The following ATP8B1 variants were observed in gnomAD, a reference collection of about 807,000 sequenced individuals.
The protein encoded by ATP8B1 is ATPase phospholipid transporting 8B1.
In ATP8B1, 80 loss-of-function variants were observed where a neutral mutation model predicts 149.9. That is an observed-to-expected ratio of 0.53 (90% confidence interval 0.45 to 0.64). The LOEUF is 0.64. Among genes scored for constraint, ATP8B1 ranks in the 30% least tolerant of loss-of-function variants. The pLI is 0.00. For synonymous variants in ATP8B1, 536 were observed against 562.8 expected (o/e 0.95, Z 0.67); for missense variants, 1,247 against 1,552.6 (o/e 0.80, Z 3.31).
At position 57,791,346 on chromosome 18, in the gene ATP8B1, C is replaced by CTTTTTTTT. The variant is rs1473257768; in HGVS notation, c.-26+11651_-26+11652insAAAAAAAA. ...TTCCTTCCTTTTTTCTTTTTCTTTT[C>CTTTTTTTT]TTTTCTTTTTTTTTTTTTTTTTGAG... On this transcript the variant is annotated intron_variant, in intron 1 of 27. Coordinates refer to ENST00000648908, the MANE Select transcript of ATP8B1 (RefSeq NM_001374385.1). 1.9e-3 allele frequency among the ~76,000 whole-genome samples: 236 copies of CTTTTTTTT among 124,924 alleles called. 5 individuals are homozygous for CTTTTTTTT. Among genetic ancestry groups the CTTTTTTTT allele is most frequent in the African/African-American group, 7.5e-3 (222 of 29,490 alleles). The allele number at this position is 124,924 out of a possible 152,430, so 82.0% of individuals were successfully genotyped here. A position where few individuals can be genotyped will look rare whatever the true frequency, so the allele number is the denominator to read the frequency against.
rs1229415684 is a variant in ATP8B1 at position 57,678,565 on chromosome 18, C to T, written c.1631-3543G>A. On this transcript the variant is annotated intron_variant, in intron 15 of 27. Transcript: ENST00000648908. The stretch of plus-strand genomic sequence containing the variant: ...TCACACCATTGCACTCCAGCCCAGG[C>T]GATAGTTCGAGATTCTATCTCAAAA... Among the ~76,000 whole-genome samples, 6 of 137,322 alleles carry T rather than the reference C, an allele frequency of 4.4e-5. No homozygotes were observed. In the East Asian group the frequency reaches 1.0e-3, roughly 23 times the overall value. 90.1% of individuals were successfully genotyped at this position (137,322 alleles called of 152,430 possible).
chr18:57,736,553 T>A (rs1448177450), intron 1 of ATP8B1, among the ~76,000 whole-genome samples: 1 of 148,544 alleles, frequency 6.7e-6, no homozygotes, highest in Non-Finnish European at 1.5e-5. Context: ...ATTGAACTCT[T>A]GGGCTCAAGG....
intron 1 of ATP8B1, among the ~76,000 whole-genome samples, chr18:57,738,871 C>T (rs1407613677): frequency 6.6e-6 from 1 of 151,996 alleles, no homozygotes; most frequent in Non-Finnish European, 1.5e-5. Flanking sequence ...ATTATGGCCC[C>T]CGAAGTCATA....
chr18:57,673,749 T>A (rs1911409024), intron 16 of ATP8B1, among the ~76,000 whole-genome samples: 1 of 152,084 alleles, frequency 6.6e-6, no homozygotes, highest in African/African-American at 2.4e-5. Flanking sequence ...TGGAAGAGTA[T>A]GAGGGCTCTT....
chr18:57,707,430 T>TC (rs139686859), intron 2 of ATP8B1, among the ~76,000 whole-genome samples: 23,406 of 152,090 alleles, frequency 0.15, 2,337 homozygotes, highest in South Asian at 0.28. Context: ...TGTTGATGAA[T>TC]CCCCACCAAA....
At chr18:57,696,211 T>C (rs1302605056) in intron 8 of ATP8B1, among the ~76,000 whole-genome samples, 1 of 152,238 alleles carries the variant, frequency 6.6e-6, no homozygotes, top group Admixed American at 6.5e-5. Flanking sequence ...GGATCTTATG[T>C]CTTTGTAAAG....
intron 20 of ATP8B1, among the ~76,000 whole-genome samples, chr18:57,663,951 G>C (rs1285770797): frequency 6.6e-6 from 1 of 151,314 alleles, no homozygotes. Flanking sequence ...ATTTTTAGTA[G>C]AGACAGGGTT....
chr18:57,764,096 G>A (rs2080183567), intron 1 of ATP8B1, among the ~76,000 whole-genome samples: 9 of 152,130 alleles, frequency 5.9e-5, no homozygotes, highest in Admixed American at 5.9e-4. Context: ...GAACAAGCCC[G>A]GTCACTCTCG....
At position 57,669,362 on chromosome 18, in the gene ATP8B1, C is replaced by G. The variant is rs558637349; in HGVS notation, c.2053G>C (p.Glu685Gln). The G allele has an allele frequency of 6.2e-7, 1 of 1,613,624 alleles. No homozygotes were observed. The highest frequency in any genetic ancestry group is 1.3e-5 in the African/African-American group (1 of 74,994). ...AASVASTNRD[E>Q]ALDKVYEEIE... ...TCCTCATATACTTTATCCAGAGCTT[C>G]GTCCCGGTTGGTGGAGGCCACACTG... The change falls in exon 18 of 28, where the codon GAA becomes CAA. Residue 685 changes from glutamate (E) to glutamine (Q), a missense_variant. Glu to Gln is a conservative substitution (Grantham distance 29, BLOSUM62 2). Coordinates refer to ENST00000648908, the MANE Select transcript of ATP8B1 (RefSeq NM_001374385.1).
chr18:57,649,190 A>ATATCTATCTATC (rs71171056), intron 27 of ATP8B1, among the ~76,000 whole-genome samples: 1,558 of 148,206 alleles, frequency 0.011, 26 homozygotes, highest in African/African-American at 0.032. Flanking sequence ...GTGCTTGGCT[A>ATATCTATCTATC]TATCTATCTA....
intron 2 of ATP8B1, among the ~76,000 whole-genome samples, chr18:57,713,975 T>C (rs1220671960): frequency 6.6e-6 from 1 of 152,008 alleles, no homozygotes; most frequent in African/African-American, 2.4e-5. Context: ...AAGCAACAAA[T>C]AGAGACCCCT....
chr18:57,662,269 T>A (rs1910505325), intron 21 of ATP8B1, among the ~76,000 whole-genome samples: 1 of 152,210 alleles, frequency 6.6e-6, no homozygotes, highest in Admixed American at 6.5e-5. Context: ...AAAAACCCAT[T>A]AATTAGTAAA....
intron 15 of ATP8B1, among the ~76,000 whole-genome samples, chr18:57,676,307 G>A (rs934433096): frequency 2.6e-5 from 4 of 151,352 alleles, no homozygotes; most frequent in East Asian, 2.0e-4. Context: ...GACTATAGGC[G>A]CACATCACCA....
intron 12 of ATP8B1, among the ~76,000 whole-genome samples, chr18:57,690,197 T>C (rs160994): frequency 0.99 from 151,471 of 152,326 alleles, 75,324 homozygotes; most frequent in Middle Eastern, 1. Context: ...TAGATACCTA[T>C]GTAAGGAATG....
At chr18:57,673,635 T>C (rs999480291) in intron 16 of ATP8B1, among the ~76,000 whole-genome samples, 13 of 151,314 alleles carry the variant, frequency 8.6e-5, no homozygotes, top group African/African-American at 3.2e-4. Flanking sequence ...TGTGTATATA[T>C]ATAGGTATAT....
intron 19 of ATP8B1, chr18:57,667,927 C>A: frequency 2.5e-6 from 1 of 398,180 alleles, no homozygotes; most frequent in Non-Finnish European, 4.0e-6. Context: ...TTGTGGAAGG[C>A]TTACAAAGTA....
intron 6 of ATP8B1, among the ~76,000 whole-genome samples, chr18:57,699,646 G>A (rs1018650165): frequency 6.6e-6 from 1 of 152,218 alleles, no homozygotes; most frequent in East Asian, 1.9e-4. Flanking sequence ...CTGTGAACCC[G>A]GGAGGCGGAG....
chr18:57,695,302 T>A lies in ATP8B1; in HGVS notation c.809A>T (p.Asn270Ile). 3 of 1,605,488 alleles carry A rather than the reference T, an allele frequency of 1.9e-6. No individual in the cohort carries two copies. The highest frequency in any genetic ancestry group is 2.6e-6 in the Non-Finnish European group (3 of 1,172,164). Residue 270 changes from asparagine to isoleucine, a missense_variant, in exon 10 of 28, where the codon AAC (asparagine) becomes ATC (isoleucine). Asn to Ile is a moderately radical substitution (Grantham distance 149). Coordinates refer to ENST00000648908, the MANE Select transcript of ATP8B1 (RefSeq NM_001374385.1). The part of the protein sequence containing the change: ...DGFIECEEPN[N>I]RLDKFTGTLF... ...TGTTCCTGTAAACTTATCTAGTCTG[T>A]TATTGGGTTCTTCACATTCAATAAA...
intron 2 of ATP8B1, among the ~76,000 whole-genome samples, chr18:57,730,188 G>GA (rs1211322075): frequency 2.0e-5 from 3 of 148,430 alleles, no homozygotes; most frequent in African/African-American, 7.4e-5. Flanking sequence ...AAAATTATTA[G>GA]AAAAAAATAG....
Sources: allele counts gnomAD v4.1 joint callset (sites outside exome capture counted in the v4.1 genomes callset), GRCh38; gene constraint gnomAD v4.1.1; transcripts MANE v1.5; gene names NCBI Gene and HGNC (gene_info 2026-07-23, HGNC 2026-07-21).